The following BCL2L11 variants were observed in gnomAD, a reference collection of about 807,000 sequenced individuals.
BCL2L11 encodes bcl-2-like protein 11.
A neutral mutation model predicts 20.6 loss-of-function variants in BCL2L11; 15 were observed. That is an observed-to-expected ratio of 0.73 (90% CI 0.49 to 1.12). The LOEUF (loss-of-function observed/expected upper bound fraction) is 1.12, where lower values mean the gene tolerates loss of function less well. BCL2L11 is among the 50% of genes most tolerant of loss of function. The pLI, the probability that BCL2L11 is intolerant of heterozygous loss-of-function variation, is 0.00. For synonymous variants in BCL2L11, 108 were observed against 92.8 expected (o/e 1.16, Z -0.94); for missense variants, 292 against 260.9 (o/e 1.12, Z -0.82).
In BCL2L11 at chr2:111,122,580, A is replaced by C. The variant is rs1009410240; in HGVS notation, c.-13-1153A>C. On this transcript the variant is annotated intron_variant, in intron 1 of 3. Coordinates refer to ENST00000393256, the MANE Select transcript of BCL2L11 (RefSeq NM_138621.5). ...ATTGGGAACGCGGGCACCCGGCGCC[A>C]GCGGCGCGGGGAGGTCGGCGGTGCC... 10 of 980,734 alleles carry C rather than the reference A, an allele frequency of 1.0e-5. No individual in the cohort carries two copies. In the African/African-American group the frequency reaches 1.2e-4, roughly 12 times the overall value. The allele number at this position is 980,734 out of a possible 1,614,324, so 60.8% of individuals were successfully genotyped here. A position where few individuals can be genotyped will look rare whatever the true frequency, so the allele number is the denominator to read the frequency against.
chr2:111,122,491 C>T (rs899044089), intron 1 of BCL2L11, among the ~76,000 whole-genome samples: 3 of 152,140 alleles, frequency 2.0e-5, no homozygotes, highest in Admixed American at 2.0e-4. Context: ...CGGCCTGACC[C>T]GTAGGCGCCG....
chr2:111,152,219 C>T (rs1352958584), intron 3 of BCL2L11, among the ~76,000 whole-genome samples: 7 of 152,176 alleles, frequency 4.6e-5, no homozygotes, highest in Admixed American at 4.6e-4. Context: ...CTGACCATCC[C>T]CTGGGCCTGT....
intron 2 of BCL2L11, among the ~76,000 whole-genome samples, chr2:111,141,587 C>A (rs1042619516): frequency 6.6e-6 from 1 of 151,584 alleles, no homozygotes; most frequent in African/African-American, 2.4e-5. Flanking sequence ...GTGGGTGCAG[C>A]ACACCAGCAT....
intron 3 of BCL2L11, chr2:111,151,774 A>G: frequency 7.1e-7 from 1 of 1,399,848 alleles, no homozygotes; most frequent in South Asian, 1.2e-5. Flanking sequence ...GTAAAATGGG[A>G]AGTGTGACAT....
chr2:111,123,080 C>G lies in BCL2L11; in HGVS notation c.-13-653C>G, dbSNP rs541909525. The G allele has an allele frequency of 1.8e-4, 174 of 975,650 alleles. 1 individual carries two copies. In the African/African-American group the frequency reaches 2.9e-3, roughly 16 times the overall value. 60.4% of individuals were successfully genotyped at this position (975,650 alleles called of 1,614,324 possible). ...CCCCCTCCCCATTTAGAGATGTGCA[C>G]CTCACGGTGTGCACCTCAGAGAAGT... is the stretch of plus-strand genomic sequence containing the variant. On this transcript the variant is annotated intron_variant, in intron 1 of 3. Transcript: ENST00000393256.
chr2:111,123,180 G>T, intron 1 of BCL2L11: 1 of 985,464 alleles, frequency 1.0e-6, no homozygotes, highest in Non-Finnish European at 1.2e-6. Flanking sequence ...GCCAGAGCCG[G>T]GCCGAGCCGC....
Position 111,148,338 on chromosome 2 carries a change from G to A in BCL2L11, c.395-1706G>A, listed in dbSNP as rs548865879. ...ACACTTTTCTTCTTCCCCTAAGGGC[G>A]AACTAACTTGTTAAAAGCTTCTAAA... On this transcript the variant is annotated intron_variant, in intron 2 of 3. Transcript: ENST00000393256. 2.7e-4 allele frequency among the ~76,000 whole-genome samples: 41 copies of A among 152,216 alleles called. No individual in the cohort carries two copies. The South Asian group carries it at 6.8e-3, about 25-fold the overall frequency.
At chr2:111,153,888 A>T in intron 3 of BCL2L11, 1 of 1,548,702 alleles carries the variant, frequency 6.5e-7, no homozygotes, top group Non-Finnish European at 8.7e-7. Flanking sequence ...TTGAAGGAGG[A>T]GGTGAGAGAG....
At chr2:111,163,861 C>CTTTTTTTTTTT (rs10547953) in intron 3 of BCL2L11, among the ~76,000 whole-genome samples, 1 of 104,720 alleles carries the variant, frequency 9.5e-6, no homozygotes, top group Non-Finnish European at 1.9e-5. Context: ...TTTTTGAGTG[C>CTTTTTTTTTTT]TTTTTTTTTT....
intron 2 of BCL2L11, among the ~76,000 whole-genome samples, chr2:111,144,158 T>C (rs1464979478): frequency 6.6e-6 from 1 of 152,240 alleles, no homozygotes; most frequent in Non-Finnish European, 1.5e-5. Flanking sequence ...AGCAGCTGTT[T>C]TTGAAGCACT....
At chr2:111,147,850 A>G (rs1308388278) in intron 2 of BCL2L11, among the ~76,000 whole-genome samples, 1 of 152,222 alleles carries the variant, frequency 6.6e-6, no homozygotes, top group African/African-American at 2.4e-5. Context: ...CTTGTCCCAA[A>G]GAAATTTAGC....
rs112327015 is a variant in BCL2L11 at position 111,159,706 on chromosome 2, T to C, written c.499-4427T>C. 3.9e-5 allele frequency among the ~76,000 whole-genome samples: 6 copies of C among 152,338 alleles called. 1 individual carries two copies. The highest frequency in any genetic ancestry group is 1.4e-4 in the African/African-American group (6 of 41,568). ...CTTAATTGGTCGTCCCAAGTGTAAA[T>C]TGAAGATGCTTCTGCCCTGCACTTA... On this transcript the variant is annotated intron_variant, in intron 3 of 3. Coordinates refer to ENST00000393256, the MANE Select transcript of BCL2L11 (RefSeq NM_138621.5).
chr2:111,134,015 A>G (rs1048865502), intron 2 of BCL2L11, among the ~76,000 whole-genome samples: 4 of 152,090 alleles, frequency 2.6e-5, no homozygotes, highest in African/African-American at 7.2e-5. Context: ...TAATGTTAAC[A>G]TAGTATTATC....
chr2:111,152,052 G>A (rs771873176), intron 3 of BCL2L11, among the ~76,000 whole-genome samples: 10 of 152,328 alleles, frequency 6.6e-5, no homozygotes, highest in South Asian at 6.2e-4. Context: ...TGAGAAGTGG[G>A]ACCACAGTGT....
chr2:111,137,130 A>G (rs2075039117), intron 2 of BCL2L11, among the ~76,000 whole-genome samples: 1 of 152,146 alleles, frequency 6.6e-6, no homozygotes, highest in Non-Finnish European at 1.5e-5. Context: ...GACTTGTTTT[A>G]TATTTAGAGT....
intron 1 of BCL2L11, chr2:111,123,049 C>G (rs1441673635): frequency 1.0e-6 from 1 of 975,132 alleles, no homozygotes; most frequent in East Asian, 1.1e-4. Context: ...TCGTCGCCCT[C>G]CGCCGCCCCC....
chr2:111,128,394 C>T (rs1357153954), intron 2 of BCL2L11, among the ~76,000 whole-genome samples: 2 of 152,062 alleles, frequency 1.3e-5, no homozygotes, highest in African/African-American at 2.4e-5. Context: ...AGTAGTGCTG[C>T]TATGAACATG....
At chr2:111,152,798 G>A (rs765277154) in intron 3 of BCL2L11, among the ~76,000 whole-genome samples, 7 of 152,132 alleles carry the variant, frequency 4.6e-5, no homozygotes, top group South Asian at 4.1e-4. Flanking sequence ...ATGTTTAAGC[G>A]TATGTTTAAG....
At chr2:111,140,675 A>AAGT (rs1420823689) in intron 2 of BCL2L11, among the ~76,000 whole-genome samples, 1 of 152,252 alleles carries the variant, frequency 6.6e-6, no homozygotes, top group Non-Finnish European at 1.5e-5. Context: ...CATTAACCTG[A>AAGT]AGTAGTCTAT....
Sources: allele counts gnomAD v4.1 joint callset (sites outside exome capture counted in the v4.1 genomes callset), GRCh38; gene constraint gnomAD v4.1.1; transcripts MANE v1.5; gene names NCBI Gene and HGNC (gene_info 2026-07-23, HGNC 2026-07-21).